GDPD4: variants seen among roughly 807,000 people sequenced by gnomAD.
GDPD4 encodes glycerophosphodiester phosphodiesterase 6.
In GDPD4, 60 loss-of-function variants were observed where a neutral mutation model predicts 67.8. That is an observed-to-expected ratio of 0.88 (90% CI 0.72 to 1.10). The LOEUF (loss-of-function observed/expected upper bound fraction) is 1.10, where lower values mean the gene tolerates loss of function less well. Among genes scored for constraint, GDPD4 ranks in the 50% least tolerant of loss-of-function variants. GDPD4 has a pLI of 0.00. For missense variants in GDPD4, 623 were observed against 613.9 expected (o/e 1.01, Z -0.16); for synonymous variants, 212 against 210.9 (o/e 1.00, Z -0.04).
chr11:77,258,249 A>G (rs751226693), intron 11 of GDPD4, 137 bp downstream of exon 11: 3 of 792,482 alleles, frequency 3.8e-6, no homozygotes, highest in Non-Finnish European at 6.3e-6. Context: ...TGCCAATACT[A>G]TAGTCCTGCT....
At chr11:77,292,107 A>C (rs1937796755) in intron 1 of GDPD4, among the ~76,000 whole-genome samples, 1 of 150,864 alleles carries the variant, frequency 6.6e-6, no homozygotes, top group African/African-American at 2.5e-5. Flanking sequence ...TTTATTAATA[A>C]ATCTGCAAAA....
intron 10 of GDPD4, among the ~76,000 whole-genome samples, chr11:77,263,552 C>G (rs1191148176): frequency 6.6e-6 from 1 of 152,170 alleles, no homozygotes; most frequent in Non-Finnish European, 1.5e-5. Flanking sequence ...TGATAGTGCA[C>G]TTGCCATGGG....
chr11:77,281,831 T>TC (rs1328656942), intron 3 of GDPD4, among the ~76,000 whole-genome samples: 3 of 152,000 alleles, frequency 2.0e-5, no homozygotes, highest in African/African-American at 7.2e-5. Context: ...ATTAGTCTGC[T>TC]CCCCCTAGGT....
At position 77,218,756 on chromosome 11, in the gene GDPD4, A is replaced by G. The variant is rs369564265; in HGVS notation, c.1526-1442T>C. ...GTGGCTGCATAATATTCCATGGTGT[A>G]TATGTGCTACATTTTCTTAATCCAG... is the stretch of plus-strand genomic sequence containing the variant. On this transcript the variant is annotated intron_variant, in intron 16 of 16. Coordinates refer to ENST00000315938, the MANE Select transcript of GDPD4 (RefSeq NM_182833.3). Among the ~76,000 whole-genome samples, 40 of 152,294 alleles carry G rather than the reference A, an allele frequency of 2.6e-4. No individual in the cohort carries two copies. The East Asian group carries it at 7.5e-3, about 29-fold the overall frequency.
intron 16 of GDPD4, among the ~76,000 whole-genome samples, chr11:77,226,553 C>A (rs974761100): frequency 6.6e-6 from 1 of 152,198 alleles, no homozygotes; most frequent in Admixed American, 6.5e-5. Flanking sequence ...GCACCTTGAT[C>A]TGGGATTTCT....
intron 3 of GDPD4, among the ~76,000 whole-genome samples, chr11:77,281,047 G>A (rs138025001): frequency 1.3e-5 from 2 of 152,034 alleles, no homozygotes; most frequent in African/African-American, 2.4e-5. Context: ...TTTTCTCTCC[G>A]CTCTGGACCA....
intron 2 of GDPD4, among the ~76,000 whole-genome samples, chr11:77,286,004 G>C (rs538508832): frequency 1.2e-4 from 19 of 152,296 alleles, no homozygotes; most frequent in Non-Finnish European, 2.5e-4. Flanking sequence ...TCAGCTTAAA[G>C]TCTTTGGGGA....
intron 4 of GDPD4, among the ~76,000 whole-genome samples, chr11:77,276,879 T>C (rs1481063039): frequency 6.6e-6 from 1 of 152,012 alleles, no homozygotes; most frequent in Non-Finnish European, 1.5e-5. Context: ...CTTAACCCTA[T>C]ATTATACCAT....
At chr11:77,230,150 T>C (rs141964039) in intron 14 of GDPD4, among the ~76,000 whole-genome samples, 1,958 of 152,274 alleles carry the variant, frequency 0.013, 15 homozygotes, top group Middle Eastern at 0.017. Context: ...CTTAACCAAC[T>C]TCCACTGAAC....
intron 10 of GDPD4, among the ~76,000 whole-genome samples, chr11:77,263,942 A>G (rs1406017891): frequency 6.6e-6 from 1 of 152,166 alleles, no homozygotes; most frequent in African/African-American, 2.4e-5. Context: ...GGATCTTTCA[A>G]TCTAACTCAG....
intron 10 of GDPD4, among the ~76,000 whole-genome samples, chr11:77,260,259 T>C (rs1959086453): frequency 7.0e-6 from 1 of 142,316 alleles, no homozygotes. Context: ...TTAGACAAAA[T>C]CGCGCCATTG....
rs113914407 is a variant in GDPD4, at chr11:77,260,043, A to G, written c.708-1501T>C. ...ACCTTAGAAAAGGGGATAATTGGCC[A>G]GGCGCGGTGGCTCACGCCTGTAATC... On this transcript the variant is annotated intron_variant, in intron 10 of 16. Coordinates refer to ENST00000315938, the MANE Select transcript of GDPD4 (RefSeq NM_182833.3). Among the ~76,000 whole-genome samples, 501 of 152,228 alleles carry G rather than the reference A, an allele frequency of 3.3e-3. 1 individual carries two copies. The highest frequency in any genetic ancestry group is 0.011 in the African/African-American group (465 of 41,548).
intron 1 of GDPD4, among the ~76,000 whole-genome samples, chr11:77,296,986 G>T (rs143117505): frequency 0.017 from 2,582 of 150,978 alleles, 30 homozygotes; most frequent in Non-Finnish European, 0.028. Flanking sequence ...CCCAGGAGAC[G>T]GAGGTTGCAG....
At chr11:77,232,630 G>T (rs1021053375) in intron 14 of GDPD4, among the ~76,000 whole-genome samples, 5 of 152,168 alleles carry the variant, frequency 3.3e-5, no homozygotes, top group Non-Finnish European at 5.9e-5. Context: ...GTCAATTGTT[G>T]CCATGCCTCT....
chr11:77,233,040 G>A lies in GDPD4; in HGVS notation c.1374C>T (p.His458=). The A allele has an allele frequency of 6.2e-7, 1 of 1,612,716 alleles. No individual in the cohort carries two copies. The highest frequency in any genetic ancestry group is 8.5e-7 in the Non-Finnish European group (1 of 1,178,700). Reference sequence around the variant, plus strand: ...ACCAGCTCACCATGAAGAAGTGAGGGTGATCAAGCTGACTCAGGAGCCCAA... The same window carrying A: ...ACCAGCTCACCATGAAGAAGTGAGGATGATCAAGCTGACTCAGGAGCCCAA... ...DNIGLLSQLD[H]PHFFMTPKFY... Residue 458 remains histidine, a synonymous_variant, in exon 14 of 17, where the codon CAC becomes CAT. Transcript: ENST00000315938.
At chr11:77,253,476 G>A (rs1201601714) in intron 11 of GDPD4, among the ~76,000 whole-genome samples, 1 of 152,164 alleles carries the variant, frequency 6.6e-6, no homozygotes, top group Non-Finnish European at 1.5e-5. Flanking sequence ...CTTAGGGATG[G>A]CACTATCTCA....
chr11:77,295,644 A>G (rs917635707), intron 1 of GDPD4, among the ~76,000 whole-genome samples: 1 of 152,192 alleles, frequency 6.6e-6, no homozygotes, highest in Admixed American at 6.5e-5. Context: ...ATGAATAAAT[A>G]AAACCTAAAG....
At chr11:77,274,204 C>T (rs1450240666) in intron 5 of GDPD4, among the ~76,000 whole-genome samples, 1 of 152,088 alleles carries the variant, frequency 6.6e-6, no homozygotes, top group Non-Finnish European at 1.5e-5. Flanking sequence ...ATATTCTTTC[C>T]CTAGAAAAAA....
rs1170666511 is a variant in GDPD4 at position 77,269,898 on chromosome 11, T to A, written c.463A>T (p.Ile155Phe). ...EKKRLKQCNV[I>F]TRLRGLQVPV... ...CAGCTCTAACCTCTTAACCTTGTGA[T>A]TACATTACATTGCTTGAGTCTTTTT... Residue 155 changes from isoleucine (I) to phenylalanine (F), a missense_variant, in exon 8 of 17, where the codon ATC (isoleucine) becomes TTC (phenylalanine). Physicochemically the swap from Ile to Phe is conservative, Grantham distance 21 (BLOSUM62 0). Transcript: ENST00000315938. The A allele has an allele frequency of 6.3e-7, 1 of 1,579,418 alleles. No homozygotes were observed. The highest frequency in any genetic ancestry group is 1.7e-5 in the Admixed American group (1 of 58,930).
Sources: allele counts gnomAD v4.1 joint callset (sites outside exome capture counted in the v4.1 genomes callset), GRCh38; gene constraint gnomAD v4.1.1; transcripts MANE v1.5; gene names NCBI Gene and HGNC (gene_info 2026-07-23, HGNC 2026-07-21).